SLC35A4: variants seen among roughly 807,000 people sequenced by gnomAD.
SLC35A4 encodes the protein probable UDP-sugar transporter protein SLC35A4.
Under a neutral mutation model 18.8 loss-of-function variants are expected in SLC35A4, and 9 were observed. That is an observed-to-expected ratio of 0.48 (90% confidence interval 0.29 to 0.83). The LOEUF (loss-of-function observed/expected upper bound fraction) is 0.83, where lower values mean the gene tolerates loss of function less well. Among genes scored for constraint, SLC35A4 ranks in the 40% least tolerant of loss-of-function variants. SLC35A4 has a pLI of 0.09. For missense variants in SLC35A4, 404 were observed against 415.5 expected (o/e 0.97, Z 0.24); for synonymous variants, 189 against 191.9 (o/e 0.98, Z 0.13).
At position 140,566,786 on chromosome 5, in the gene SLC35A4, G is replaced by A. The variant is rs142167206; in HGVS notation, c.-384G>A. 2 of 599,844 alleles carry A rather than the reference G, an allele frequency of 3.3e-6. No homozygotes were observed. Among genetic ancestry groups the A allele is most frequent in the Non-Finnish European group, 5.9e-6 (2 of 336,844 alleles). The allele number at this position is 599,844 out of a possible 1,614,324, so 37.2% of individuals were successfully genotyped here. Reference sequence around the variant, plus strand: ...AGCTCTAGGTGCCATGGAAGAGGCAGGATGAGCAGCTCAGCCTTCAGGTGG... The same window carrying A: ...AGCTCTAGGTGCCATGGAAGAGGCAAGATGAGCAGCTCAGCCTTCAGGTGG... On this transcript the variant is annotated 5_prime_UTR_variant, in exon 3 of 3. Transcript: ENST00000323146.
rs757767027 is a variant in SLC35A4 at position 140,568,102 on chromosome 5, G to C, written c.933G>C (p.Leu311Phe). Residue 311 changes from leucine to phenylalanine, a missense_variant, in exon 3 of 3, where the codon TTG becomes TTC. Leu to Phe is a conservative substitution (Grantham distance 22). Coordinates refer to ENST00000323146, the MANE Select transcript of SLC35A4 (RefSeq NM_080670.4). Reference sequence around the variant, plus strand: ...CAGCCGCCTTCTTCCTGGCCACATTGCTCATTGGCCTGGCCATGCGCCTGT... The same window carrying C: ...CAGCCGCCTTCTTCCTGGCCACATTCCTCATTGGCCTGGCCATGCGCCTGT... ...QLTAAFFLAT[L>F]LIGLAMRLYY... The C allele has an allele frequency of 6.2e-7, 1 of 1,613,760 alleles. No homozygotes were observed. Among genetic ancestry groups the C allele is most frequent in the Admixed American group, 1.7e-5 (1 of 60,028 alleles).
At position 140,564,903 on chromosome 5, in the gene SLC35A4, T is replaced by C. The variant is rs1755148890; in HGVS notation, c.-705+45T>C. 2.7e-5 allele frequency: 11 copies of C among 403,424 alleles called. 1 individual carries two copies. Among genetic ancestry groups the C allele is most frequent in the Non-Finnish European group, 4.4e-6 (1 of 228,598 alleles). The allele number at this position is 403,424 out of a possible 1,614,324, so 25.0% of individuals were successfully genotyped here. A position where few individuals can be genotyped will look rare whatever the true frequency, so the allele number is the denominator to read the frequency against. ...ATCTGCAGCCGGGCGTGGTCTTCAC[T>C]CTCCTTGACCTTTTTAGTTCCGGGG... On this transcript the variant is annotated intron_variant, in intron 1 of 2. Coordinates refer to ENST00000323146, the MANE Select transcript of SLC35A4 (RefSeq NM_080670.4). This position sits in a 1 kb window ranked among gnomAD's most constrained non-coding sequence, Gnocchi z 5.0.
Position 140,567,238 on chromosome 5 carries a change from A to G in SLC35A4, c.69A>G (p.Leu23=), listed in dbSNP as rs1256126265. The G allele has an allele frequency of 2.5e-6, 4 of 1,613,868 alleles. No homozygotes were observed. The highest frequency in any genetic ancestry group is 3.4e-6 in the Non-Finnish European group (4 of 1,179,924). The change falls in exon 3 of 3, where the codon CTA becomes CTG. Residue 23 remains leucine (L), a synonymous_variant. Transcript: ENST00000323146. Reference sequence around the variant, plus strand: ...GGCAGGCCCGCTGGACCCTGATGCTACTCCTATCCACTGCCATGTACGGTG... The same window carrying G: ...GGCAGGCCCGCTGGACCCTGATGCTGCTCCTATCCACTGCCATGTACGGTG... ...RPRQARWTLM[L]LLSTAMYGAH...
chr5:140,565,628 A>C (rs1755167931), intron 1 of SLC35A4: 1 of 306,146 alleles, frequency 3.3e-6, no homozygotes, highest in Admixed American at 5.1e-5. Flanking sequence ...TTGCTATATA[A>C]AATTCTTGTC....
Position 140,565,906 on chromosome 5 carries a change from C to T in SLC35A4, c.-671C>T, listed in dbSNP as rs764143082. 2.5e-6 allele frequency: 1 copy of T among 398,964 alleles called. No homozygotes were observed. The highest frequency in any genetic ancestry group is 4.4e-6 in the Non-Finnish European group (1 of 226,064). The allele number at this position is 398,964 out of a possible 1,614,324, so 24.7% of individuals were successfully genotyped here. ...GCCTAAGCTTAAGGACCTGGCATTT[C>T]TCAAGAACCAGCTGGAAAGCCTGCA... On this transcript the variant is annotated 5_prime_UTR_variant, in exon 2 of 3. Transcript: ENST00000323146.
chr5:140,566,204 T>G (rs1755183399), intron 2 of SLC35A4, among the ~76,000 whole-genome samples: 1 of 151,988 alleles, frequency 6.6e-6, no homozygotes, highest in African/African-American at 2.4e-5. Flanking sequence ...GTAAAGGCCT[T>G]GTGGTAGGAA....
In SLC35A4 at chr5:140,567,202, G is replaced by A. The variant is rs747786178; in HGVS notation, c.33G>A (p.Leu11=). 6.2e-7 allele frequency: 1 copy of A among 1,613,386 alleles called. No homozygotes were observed. The highest frequency in any genetic ancestry group is 8.5e-7 in the Non-Finnish European group (1 of 1,179,702). Reference sequence around the variant, plus strand: ...TAGAGGATGGGGGTATGCCAGGCCTGGGCCGTCCCAGGCAGGCCCGCTGGA... The same window carrying A: ...TAGAGGATGGGGGTATGCCAGGCCTAGGCCGTCCCAGGCAGGCCCGCTGGA... MSVEDGGMPG[L]GRPRQARWTL... Residue 11 remains leucine, a synonymous_variant, in exon 3 of 3, where the codon CTG becomes CTA. Coordinates refer to ENST00000323146, the MANE Select transcript of SLC35A4 (RefSeq NM_080670.4).
At position 140,566,591 on chromosome 5, in the gene SLC35A4, C is replaced by A; in HGVS notation, c.-579C>A. On this transcript the variant is annotated 5_prime_UTR_variant, in exon 3 of 3. Coordinates refer to ENST00000323146, the MANE Select transcript of SLC35A4 (RefSeq NM_080670.4). ...ATGGCTCGCTGTTGTCCTCCCCGTT[C>A]CTCAAGGGATTCCTGGCTGGCTATG... 1 of 436,698 alleles carries A rather than the reference C, an allele frequency of 2.3e-6. No individual in the cohort carries two copies. The highest frequency in any genetic ancestry group is 7.6e-5 in the South Asian group (1 of 13,224). The allele number at this position is 436,698 out of a possible 1,614,324, so 27.1% of individuals were successfully genotyped here. A position where few individuals can be genotyped will look rare whatever the true frequency, so the allele number is the denominator to read the frequency against.
At chr5:140,565,692 C>A (rs532017354) in intron 1 of SLC35A4, 181 bp from the exon 2 acceptor site, 2 of 381,328 alleles carry the variant, frequency 5.2e-6, no homozygotes, top group East Asian at 7.5e-5. Flanking sequence ...CTTCCTGGCC[C>A]TCATTTGAAT....
Position 140,567,035 on chromosome 5 carries a change from T to C in SLC35A4, c.-135T>C, listed in dbSNP as rs1755203585. The C allele has an allele frequency of 7.2e-7, 1 of 1,385,150 alleles. No individual in the cohort carries two copies. Among genetic ancestry groups the C allele is most frequent in the Admixed American group, 1.7e-5 (1 of 57,454 alleles). 85.8% of individuals were successfully genotyped at this position (1,385,150 alleles called of 1,614,324 possible). ...AAGCCCTGACTGTGGAGTTGGTAGA[T>C]GCCTCTGATCCTCAGTATTCTCTCT... On this transcript the variant is annotated 5_prime_UTR_variant, in exon 3 of 3. The change abolishes an upstream ATG in the 5' untranslated region. Transcript: ENST00000323146.
chr5:140,565,055 C>T (rs1755152247), intron 1 of SLC35A4, 197 bp downstream of exon 1: 1 of 397,324 alleles, frequency 2.5e-6, no homozygotes, highest in East Asian at 3.6e-5. Context: ...AGCCGTGGAT[C>T]CCCCAGATGT....
At position 140,567,752 on chromosome 5, in the gene SLC35A4, T is replaced by A. The variant is rs1755229190; in HGVS notation, c.583T>A (p.Tyr195Asn). Residue 195 changes from tyrosine to asparagine, a missense_variant, in exon 3 of 3, where the codon TAC becomes AAC. Tyr to Asn is a moderately radical substitution (Grantham distance 143, BLOSUM62 -2). Transcript: ENST00000323146. ...GCTAGGCCTGCTGCTCCTCATTCTG[T>A]ACTGCCTCATCTCAGGCTTGTCGTC... ...TPLGLLLLIL[Y>N]CLISGLSSVY... 2 of 1,614,154 alleles carry A rather than the reference T, an allele frequency of 1.2e-6. No individual in the cohort carries two copies. The highest frequency in any genetic ancestry group is 2.7e-5 in the African/African-American group (2 of 75,074).
chr5:140,567,077 T>C lies in SLC35A4; in HGVS notation c.-93T>C, dbSNP rs1755204819. On this transcript the variant is annotated 5_prime_UTR_variant, in exon 3 of 3. Coordinates refer to ENST00000323146, the MANE Select transcript of SLC35A4 (RefSeq NM_080670.4). ...ATTCTCTCTGGCAATGTTCCACGGCTTCTCCTTCCTGGGAGCTGGCTCCAT... is the reference window on the plus strand; with the variant it reads ...ATTCTCTCTGGCAATGTTCCACGGCCTCTCCTTCCTGGGAGCTGGCTCCAT... The C allele has an allele frequency of 6.3e-7, 1 of 1,581,680 alleles. No individual in the cohort carries two copies. The highest frequency in any genetic ancestry group is 1.1e-5 in the South Asian group (1 of 90,130).
Position 140,567,826 on chromosome 5 carries a change from TC to T in SLC35A4, c.658del (p.Gln220ArgfsTer12). On this transcript the variant is annotated frameshift_variant, in exon 3 of 3. Coordinates refer to ENST00000323146, the MANE Select transcript of SLC35A4 (RefSeq NM_080670.4). LOFTEE classifies it high-confidence loss of function. ...AGCGACAGCGGCTGCCCCTGGCACT[TC>T]AGAACCTCTTCCTCTACACTTTTGG... ...MKRQRLPLAL[Q>X]NLFLYTFGVL... 3.1e-6 allele frequency: 5 copies of T among 1,614,098 alleles called. No individual in the cohort carries two copies. The highest frequency in any genetic ancestry group is 4.2e-6 in the Non-Finnish European group (5 of 1,180,032).
rs1426117731 is a variant in SLC35A4 at position 140,568,302 on chromosome 5, G to A, written c.*158G>A. 8.3e-7 allele frequency: 1 copy of A among 1,203,090 alleles called. No homozygotes were observed. Among genetic ancestry groups the A allele is most frequent in the Non-Finnish European group, 1.2e-6 (1 of 857,274 alleles). 74.5% of individuals were successfully genotyped at this position (1,203,090 alleles called of 1,614,324 possible). A position where few individuals can be genotyped will look rare whatever the true frequency, so the allele number is the denominator to read the frequency against. The stretch of plus-strand genomic sequence containing the variant: ...AGGGCAGCCAGGTTATTCTCTGGAG[G>A]TTGGTGGATGAAGGGGTACCCCTAG... On this transcript the variant is annotated 3_prime_UTR_variant, in exon 3 of 3. Transcript: ENST00000323146.
rs6550 is a variant in SLC35A4, at chr5:140,569,031, T to A, written c.*887T>A. ...AACCTGTAGCTCAATCAGTGTCTCTTTAACTGCATAAGCAATAAGATCTTA... is the reference window on the plus strand; with the variant it reads ...AACCTGTAGCTCAATCAGTGTCTCTATAACTGCATAAGCAATAAGATCTTA... On this transcript the variant is annotated 3_prime_UTR_variant, in exon 3 of 3. Transcript: ENST00000323146. 0.33 allele frequency: 55,690 copies of A among 166,934 alleles called. 9,748 individuals are homozygous for A. The highest frequency in any genetic ancestry group is 0.4 in the African/African-American group (16,603 of 41,440). 10.3% of individuals were successfully genotyped at this position (166,934 alleles called of 1,614,324 possible).
chr5:140,566,905 A>G lies in SLC35A4; in HGVS notation c.-265A>G. 1.6e-6 allele frequency: 1 copy of G among 635,492 alleles called. No homozygotes were observed. The highest frequency in any genetic ancestry group is 1.8e-5 in the African/African-American group (1 of 55,056). The allele number at this position is 635,492 out of a possible 1,614,324, so 39.4% of individuals were successfully genotyped here. On this transcript the variant is annotated 5_prime_UTR_variant, in exon 3 of 3. Transcript: ENST00000323146. ...TTGCCTCCCTTCCTGCAGATTGTGG[A>G]CAGTAGTTCCTCAGCCTGCACCCTG...
chr5:140,565,701 A>G (rs893564688), intron 1 of SLC35A4, 172 bp from the exon 2 acceptor site: 1 of 385,926 alleles, frequency 2.6e-6, no homozygotes, highest in African/African-American at 2.1e-5. Flanking sequence ...CCTCATTTGA[A>G]TTCTGTGCTT....
chr5:140,566,245 G>A (rs1755184474), intron 2 of SLC35A4, among the ~76,000 whole-genome samples: 1 of 152,076 alleles, frequency 6.6e-6, no homozygotes, highest in Non-Finnish European at 1.5e-5. Flanking sequence ...GGTGAAAGGA[G>A]GTCCATTTGG....
Sources: allele counts gnomAD v4.1 joint callset (sites outside exome capture counted in the v4.1 genomes callset), GRCh38; gene constraint gnomAD v4.1.1; non-coding constraint Gnocchi (gnomAD v3.1); transcripts MANE v1.5; gene names NCBI Gene and HGNC (gene_info 2026-07-23, HGNC 2026-07-21).